Variants in TRAPPC9 observed in about 807,000 individuals in gnomAD.
TRAPPC9 encodes trafficking protein particle complex subunit 9, also known as IKK2 binding protein.
In TRAPPC9, 83 loss-of-function variants were observed where a neutral mutation model predicts 124.0. The observed-to-expected ratio is 0.67, with a 90% CI of 0.56 to 0.80. TRAPPC9 has a LOEUF of 0.80. TRAPPC9 is among the 30% of genes least tolerant of loss of function. The pLI is 0.00. For synonymous variants in TRAPPC9, 638 were observed against 617.5 expected (o/e 1.03, Z -0.49); for missense variants, 1,302 against 1,508.3 (o/e 0.86, Z 2.27).
intron 19 of TRAPPC9, among the ~76,000 whole-genome samples, chr8:139,949,226 A>G (rs988753704): frequency 5.3e-5 from 8 of 152,236 alleles, no homozygotes; most frequent in Admixed American, 5.2e-4. Context: ...GTAAAAGGGT[A>G]AAAGAAAATT....
intron 19 of TRAPPC9, among the ~76,000 whole-genome samples, chr8:139,918,373 C>T (rs1484535661): frequency 6.6e-6 from 1 of 152,200 alleles, no homozygotes; most frequent in Non-Finnish European, 1.5e-5. Context: ...GAAGAGCCCC[C>T]GACCCTGCAC....
At chr8:140,348,265 T>C (rs2067410646) in intron 9 of TRAPPC9, among the ~76,000 whole-genome samples, 1 of 151,952 alleles carries the variant, frequency 6.6e-6, no homozygotes, top group East Asian at 1.9e-4. Context: ...TAAGTTTCAG[T>C]GATAGTCAAA....
chr8:139,883,499 G>A (rs924419829), intron 21 of TRAPPC9, among the ~76,000 whole-genome samples: 5 of 152,368 alleles, frequency 3.3e-5, no homozygotes, highest in South Asian at 2.1e-4. Context: ...CCACACAGGC[G>A]TGTGCAGCTT....
intron 21 of TRAPPC9, among the ~76,000 whole-genome samples, chr8:139,809,071 T>G (rs1221208113): frequency 6.6e-6 from 1 of 152,372 alleles, no homozygotes; most frequent in East Asian, 1.9e-4. Flanking sequence ...CAGAGTCTAC[T>G]GATTGTAATA....
intron 17 of TRAPPC9, among the ~76,000 whole-genome samples, chr8:140,071,225 T>C (rs1843143017): frequency 1.3e-5 from 2 of 152,178 alleles, no homozygotes; most frequent in Non-Finnish European, 2.9e-5. Flanking sequence ...TACCTACAGC[T>C]TGTGGTTGTG....
At chr8:140,030,836 G>A (rs1840455154) in intron 17 of TRAPPC9, among the ~76,000 whole-genome samples, 1 of 152,212 alleles carries the variant, frequency 6.6e-6, no homozygotes, top group Non-Finnish European at 1.5e-5. Flanking sequence ...ATCGGCAGTT[G>A]CCTGGAGTTA....
intron 16 of TRAPPC9, among the ~76,000 whole-genome samples, chr8:140,224,761 T>C (rs916787798): frequency 1.3e-5 from 2 of 152,212 alleles, no homozygotes; most frequent in African/African-American, 4.8e-5. Flanking sequence ...ATTTTTGGTC[T>C]CAGTTCAAAT....
intron 7 of TRAPPC9, among the ~76,000 whole-genome samples, chr8:140,389,284 G>C (rs185116449): frequency 6.6e-6 from 1 of 152,118 alleles, no homozygotes; most frequent in Non-Finnish European, 1.5e-5. Flanking sequence ...GGGCATATAA[G>C]TGTTCATTGA....
intron 21 of TRAPPC9, among the ~76,000 whole-genome samples, chr8:139,834,479 C>A (rs1422261931): frequency 6.6e-6 from 1 of 152,232 alleles, no homozygotes; most frequent in Non-Finnish European, 1.5e-5. Flanking sequence ...GGGGGGCGGG[C>A]ACAGCTGCAA....
At chr8:139,929,613 G>A (rs1833008512) in intron 19 of TRAPPC9, among the ~76,000 whole-genome samples, 1 of 152,194 alleles carries the variant, frequency 6.6e-6, no homozygotes, top group Admixed American at 6.5e-5. Context: ...GCTGCCTGCT[G>A]CTTCTTCCTG....
intron 15 of TRAPPC9, among the ~76,000 whole-genome samples, chr8:140,270,048 C>T (rs2131602506): frequency 6.6e-6 from 1 of 151,906 alleles, no homozygotes; most frequent in East Asian, 1.9e-4. Flanking sequence ...TGCAGCAAGC[C>T]AAGACCACGC....
At chr8:139,805,534 G>C (rs887403410) in intron 21 of TRAPPC9, among the ~76,000 whole-genome samples, 1 of 152,234 alleles carries the variant, frequency 6.6e-6, no homozygotes. Context: ...TATCCAGTGT[G>C]GGCTTGGCAC....
intron 17 of TRAPPC9, among the ~76,000 whole-genome samples, chr8:140,046,256 G>A (rs1841588959): frequency 6.6e-6 from 1 of 152,270 alleles, no homozygotes; most frequent in Non-Finnish European, 1.5e-5. Context: ...GTTGTCCCAG[G>A]TCTTCGCCGA....
intron 16 of TRAPPC9, among the ~76,000 whole-genome samples, chr8:140,247,524 T>C (rs1421306518): frequency 6.6e-6 from 1 of 152,198 alleles, no homozygotes; most frequent in Non-Finnish European, 1.5e-5. Context: ...AAGATTCTCA[T>C]GTATACAGTG....
intron 17 of TRAPPC9, among the ~76,000 whole-genome samples, chr8:140,169,074 G>T (rs2061908993): frequency 6.6e-6 from 1 of 152,168 alleles, no homozygotes. Flanking sequence ...AAGCAAGGGG[G>T]AAATATGAGC....
In TRAPPC9 at chr8:140,405,595, C is replaced by T. The variant is rs138461926; in HGVS notation, c.990G>A (p.Ala330=). 22 of 1,614,044 alleles carry T rather than the reference C, an allele frequency of 1.4e-5. No homozygotes were observed. Among genetic ancestry groups the T allele is most frequent in the African/African-American group, 6.7e-5 (5 of 75,026 alleles). The change falls in exon 6 of 23, where the codon GCG becomes GCA. Residue 330 remains alanine, a synonymous_variant. Coordinates refer to ENST00000438773, the MANE Select transcript of TRAPPC9 (RefSeq NM_001160372.4). ...AAATCACCTTGCTGTAATAGGAAAT[C>T]GCCTCTTTATACTTGTCAATTATGT... The part of the protein sequence containing the change: ...PEDIIDKYKE[A]ISYYSKYKNA...
rs116125614 is a variant in TRAPPC9 at position 139,753,192 on chromosome 8, T to C, written c.3056-20990A>G. ...CATCCATCCATCCAACATCTACCCATGCATCCATTCACCCATCTACCATCC... is the reference window on the plus strand; with the variant it reads ...CATCCATCCATCCAACATCTACCCACGCATCCATTCACCCATCTACCATCC... On this transcript the variant is annotated intron_variant, in intron 21 of 22. Transcript: ENST00000438773. Among the ~76,000 whole-genome samples, 984 of 142,926 alleles carry C rather than the reference T, an allele frequency of 6.9e-3. 16 individuals are homozygous for C. Among genetic ancestry groups the C allele is most frequent in the African/African-American group, 0.025 (939 of 37,964 alleles). 93.8% of individuals were successfully genotyped at this position (142,926 alleles called of 152,430 possible). A position where few individuals can be genotyped will look rare whatever the true frequency, so the allele number is the denominator to read the frequency against.
intron 7 of TRAPPC9, among the ~76,000 whole-genome samples, chr8:140,393,769 G>A (rs1373357798): frequency 1.3e-5 from 2 of 152,138 alleles, no homozygotes; most frequent in African/African-American, 4.8e-5. Context: ...ACTTGATCAA[G>A]AACCAAAAGC....
intron 19 of TRAPPC9, among the ~76,000 whole-genome samples, chr8:139,987,317 C>T (rs564072927): frequency 3.9e-5 from 6 of 152,190 alleles, no homozygotes; most frequent in African/African-American, 1.4e-4. Context: ...TACAGGATAG[C>T]CCCAGACCTT....
Sources: gnomAD v4.1 joint callset for allele counts (sites outside exome capture counted in the v4.1 genomes callset) on GRCh38, gnomAD v4.1.1 for gene constraint, MANE v1.5 for transcripts, NCBI Gene and HGNC (gene_info 2026-07-23, HGNC 2026-07-21) for gene names.